The following PRELID2 variants were observed in gnomAD, a reference collection of about 807,000 sequenced individuals.
PRELID2 encodes the protein PRELI domain containing 2.
In PRELID2, 25 loss-of-function variants were observed where a neutral mutation model predicts 28.4. The observed-to-expected ratio is 0.88, with a 90% CI of 0.64 to 1.23. PRELID2 has a LOEUF of 1.23. Among genes scored for constraint, PRELID2 ranks in the 50% most tolerant of loss-of-function variants. The pLI is 0.00. For synonymous variants in PRELID2, 76 were observed against 71.6 expected, an observed-to-expected ratio of 1.06 and a Z score of -0.31; for missense variants, 201 against 214.4, an observed-to-expected ratio of 0.94 and a Z score of 0.39.
intron 1 of PRELID2, among the ~76,000 whole-genome samples, chr5:145,625,913 A>C (rs2149655000): frequency 6.6e-6 from 1 of 152,328 alleles, no homozygotes; most frequent in South Asian, 2.1e-4. Context: ...CAAAGTTGGC[A>C]AAAATATACA....
the PRELID2 span, among the ~76,000 whole-genome samples, chr5:145,307,296 G>A: frequency 2.1e-3 from 316 of 152,260 alleles, 8 homozygotes; most frequent in East Asian, 0.053. Context: ...CCGAAGCCCA[G>A]TCCTCACCCT....
the PRELID2 span, among the ~76,000 whole-genome samples, chr5:145,359,907 T>G: frequency 1.6e-3 from 239 of 152,298 alleles, 2 homozygotes; most frequent in African/African-American, 5.5e-3. Context: ...ATTTTAAGCA[T>G]GTTCACAGTG....
chr5:145,596,333 T>C (rs923094600), intron 1 of PRELID2, among the ~76,000 whole-genome samples: 2 of 152,048 alleles, frequency 1.3e-5, no homozygotes, highest in African/African-American at 4.8e-5. Flanking sequence ...CACAATTTTA[T>C]CTCTATTTTA....
At chr5:145,420,073 C>A in the PRELID2 span, among the ~76,000 whole-genome samples, 52 of 152,116 alleles carry the variant, frequency 3.4e-4, no homozygotes, top group African/African-American at 1.2e-3. Flanking sequence ...GGACTCTGTT[C>A]TGTTCCATTG....
chr5:145,647,581 A>G lies in PRELID2; in HGVS notation n.70+117350T>C, dbSNP rs186891836. ...TGCCACTGGCATATGGAAAAAATAAATAAATAAATAACAACTCCTGCAGCT... is the reference window on the plus strand; with the variant it reads ...TGCCACTGGCATATGGAAAAAATAAGTAAATAAATAACAACTCCTGCAGCT... On this transcript the variant is annotated intron_variant and non_coding_transcript_variant, in intron 1 of 2. Coordinates refer to the PRELID2 transcript ENST00000510259. Among the ~76,000 whole-genome samples, 307 of 152,306 alleles carry G rather than the reference A, an allele frequency of 2.0e-3. 3 individuals carry two copies. The highest frequency in any genetic ancestry group is 6.9e-3 in the African/African-American group (285 of 41,566).
At chr5:145,361,468 C>T in the PRELID2 span, among the ~76,000 whole-genome samples, 16 of 152,106 alleles carry the variant, frequency 1.1e-4, no homozygotes. Flanking sequence ...CTGGCAGGAG[C>T]CAGATGTCAG....
the PRELID2 span, among the ~76,000 whole-genome samples, chr5:145,258,078 GA>G: frequency 2.0e-5 from 3 of 152,220 alleles, no homozygotes; most frequent in South Asian, 6.2e-4. Context: ...TCCATAATTA[GA>G]AGCTTCCTGA....
At chr5:145,617,212 A>G (rs528176279) in intron 1 of PRELID2, among the ~76,000 whole-genome samples, 1 of 152,270 alleles carries the variant, frequency 6.6e-6, no homozygotes, top group East Asian at 1.9e-4. Context: ...CACAATCATC[A>G]CAGGGTCCTG....
the PRELID2 span, among the ~76,000 whole-genome samples, chr5:145,394,585 TAATAA>T: frequency 6.6e-6 from 1 of 152,170 alleles, no homozygotes; most frequent in South Asian, 2.1e-4. Context: ...AGTATAACAA[TAATAA>T]AATAAAGTAA....
downstream of PRELID2, among the ~76,000 whole-genome samples, chr5:145,467,466 C>A (rs1375628779): frequency 6.6e-6 from 1 of 152,108 alleles, no homozygotes; most frequent in Non-Finnish European, 1.5e-5. Context: ...TGAAAGGATT[C>A]TAGACCTAAA....
the PRELID2 span, among the ~76,000 whole-genome samples, chr5:145,325,348 A>G: frequency 6.6e-6 from 1 of 152,220 alleles, no homozygotes; most frequent in Non-Finnish European, 1.5e-5. Context: ...AAGTGCTACA[A>G]CATCCTCCCT....
In PRELID2 at chr5:145,828,332, T is replaced by C. The variant is rs527600273; in HGVS notation, c.76-5198A>G. 2.0e-5 allele frequency among the ~76,000 whole-genome samples: 3 copies of C among 152,358 alleles called. No homozygotes were observed. In the East Asian group the frequency reaches 5.8e-4, roughly 29 times the overall value. On this transcript the variant is annotated intron_variant, in intron 1 of 6. Coordinates refer to ENST00000683046, the MANE Select transcript of PRELID2 (RefSeq NM_205846.3). ...CTACTAACAAATGAATCAACACTTTTGAAGACTTAAAAAGTTTCAAGATTT... is the reference window on the plus strand; with the variant it reads ...CTACTAACAAATGAATCAACACTTTCGAAGACTTAAAAAGTTTCAAGATTT...
chr5:145,257,705 G>C, the PRELID2 span, among the ~76,000 whole-genome samples: 8 of 152,294 alleles, frequency 5.3e-5, no homozygotes, highest in African/African-American at 1.9e-4. Flanking sequence ...ATTAGAAGTA[G>C]ACTTCAAGAT....
At chr5:145,334,621 T>A in the PRELID2 span, among the ~76,000 whole-genome samples, 1 of 152,182 alleles carries the variant, frequency 6.6e-6, no homozygotes, top group East Asian at 1.9e-4. Flanking sequence ...ATTAGCATCT[T>A]TTATTATACC....
the PRELID2 span, among the ~76,000 whole-genome samples, chr5:145,271,830 C>G: frequency 1.3e-5 from 2 of 152,180 alleles, no homozygotes; most frequent in African/African-American, 4.8e-5. Context: ...CTTACAGAAT[C>G]CCATAACTAT....
intron 1 of PRELID2, among the ~76,000 whole-genome samples, chr5:145,707,234 A>G (rs1330684373): frequency 6.6e-6 from 1 of 152,210 alleles, no homozygotes; most frequent in Non-Finnish European, 1.5e-5. Flanking sequence ...ACCCATAGCA[A>G]GCAAGTTGCA....
rs181805196 is a variant in PRELID2, at chr5:145,659,376, A to G, written n.70+105555T>C. On this transcript the variant is annotated intron_variant and non_coding_transcript_variant, in intron 1 of 2. Coordinates refer to the PRELID2 transcript ENST00000510259. ...CCTTTTATACCCTATGTGTACATTT[A>G]TTTCACCGTATCAGACTATAATTCC... is the stretch of plus-strand genomic sequence containing the variant. Among the ~76,000 whole-genome samples the G allele has an allele frequency of 3.9e-5, 6 of 152,298 alleles. No homozygotes were observed. In the East Asian group the frequency reaches 1.2e-3, roughly 29 times the overall value.
At chr5:145,717,997 T>C (rs1054856793) in intron 1 of PRELID2, among the ~76,000 whole-genome samples, 3 of 151,970 alleles carry the variant, frequency 2.0e-5, no homozygotes, top group Non-Finnish European at 4.4e-5. Context: ...GACTCTTAAA[T>C]AGTCACCCTG....
At chr5:145,521,870 T>C (rs754209433) in intron 1 of PRELID2, among the ~76,000 whole-genome samples, 5 of 152,194 alleles carry the variant, frequency 3.3e-5, no homozygotes, top group Non-Finnish European at 5.9e-5. Flanking sequence ...ACCATATAGA[T>C]AGAAAGCACC....
Sources: allele counts gnomAD v4.1 joint callset (sites outside exome capture counted in the v4.1 genomes callset), GRCh38; gene constraint gnomAD v4.1.1; transcripts MANE v1.5; gene names NCBI Gene and HGNC (gene_info 2026-07-23, HGNC 2026-07-21).